SYNPR: variants seen among roughly 807,000 people sequenced by gnomAD.
The protein encoded by SYNPR is synaptoporin.
In SYNPR, 23 loss-of-function variants were observed where a neutral mutation model predicts 32.9. The ratio of observed to expected loss-of-function variants is 0.70; its 90% confidence interval spans 0.50 to 0.99. The LOEUF (loss-of-function observed/expected upper bound fraction) is 0.99, where lower values mean the gene tolerates loss of function less well. Ranked by LOEUF, SYNPR falls within the 50% of genes least tolerant of loss-of-function variation. The pLI is 0.00. For synonymous variants in SYNPR, 146 were observed against 135.9 expected (o/e 1.07, Z -0.52); for missense variants, 318 against 349.3 (o/e 0.91, Z 0.71).
In SYNPR at chr3:63,556,731, G is replaced by C; in HGVS notation, c.398G>C (p.Gly133Ala). ...FQNKYRENNR[G>A]PLIDFIVTVV... ...AACAAATACCGGGAAAACAACCGGG[G>C]CCCACTCATTGTAAGTGGTTTTCTT... The change falls in exon 4 of 6, where the codon GGC becomes GCC. Residue 133 changes from glycine (G) to alanine (A), a missense_variant. Coordinates refer to ENST00000478300, the MANE Select transcript of SYNPR (RefSeq NM_001130003.2). 2 of 1,611,652 alleles carry C rather than the reference G, an allele frequency of 1.2e-6. No individual in the cohort carries two copies. Among genetic ancestry groups the C allele is most frequent in the Non-Finnish European group, 1.7e-6 (2 of 1,179,108 alleles).
chr3:63,531,711 A>T (rs930442702), intron 3 of SYNPR, among the ~76,000 whole-genome samples: 1 of 152,180 alleles, frequency 6.6e-6, no homozygotes, highest in Non-Finnish European at 1.5e-5. Flanking sequence ...GATAAACTTC[A>T]AAAGTGGCCT....
intron 1 of SYNPR, among the ~76,000 whole-genome samples, chr3:63,238,909 A>T (rs920697199): frequency 6.6e-6 from 1 of 152,162 alleles, no homozygotes. Context: ...ATGGATTCTA[A>T]AATTGTCATT....
chr3:63,477,660 G>T (rs1455675533), intron 2 of SYNPR, among the ~76,000 whole-genome samples: 1 of 152,164 alleles, frequency 6.6e-6, no homozygotes. Context: ...AGCCTGCAAG[G>T]CCAGCTCTAG....
At chr3:63,257,466 C>T (rs1038553009) in intron 2 of SYNPR, among the ~76,000 whole-genome samples, 2 of 152,046 alleles carry the variant, frequency 1.3e-5, no homozygotes, top group Non-Finnish European at 2.9e-5. Flanking sequence ...TCCAGCCAAA[C>T]TAAACTTCAT....
intron 2 of SYNPR, among the ~76,000 whole-genome samples, chr3:63,254,322 TA>T (rs2086363381): frequency 6.6e-6 from 1 of 151,994 alleles, no homozygotes; most frequent in Non-Finnish European, 1.5e-5. Context: ...GTATAATAAT[TA>T]AAAAAACATT....
At chr3:63,513,682 T>C (rs4472048) in intron 3 of SYNPR, among the ~76,000 whole-genome samples, 92,398 of 151,790 alleles carry the variant, frequency 0.61, 29,722 homozygotes, top group East Asian at 0.9. Flanking sequence ...GAATTGTGCC[T>C]CCCAAAAGAT....
intron 2 of SYNPR, among the ~76,000 whole-genome samples, chr3:63,407,988 G>T (rs940185920): frequency 4.0e-5 from 6 of 151,692 alleles, no homozygotes; most frequent in Admixed American, 1.3e-4. Context: ...TGATTCACGG[G>T]CATCTTTAGA....
chr3:63,564,894 T>G (rs933745170), intron 4 of SYNPR, among the ~76,000 whole-genome samples: 5 of 152,216 alleles, frequency 3.3e-5, no homozygotes, highest in Non-Finnish European at 7.3e-5. Context: ...AAAGAATTCA[T>G]GCTTCTTCCA....
At chr3:63,292,783 G>A (rs1047432003) in intron 2 of SYNPR, among the ~76,000 whole-genome samples, 3 of 152,162 alleles carry the variant, frequency 2.0e-5, no homozygotes, top group East Asian at 1.9e-4. Context: ...TTAAATGTGC[G>A]CATGCACACA....
chr3:63,493,533 A>C (rs1701296442), intron 3 of SYNPR, among the ~76,000 whole-genome samples: 1 of 152,012 alleles, frequency 6.6e-6, no homozygotes, highest in Non-Finnish European at 1.5e-5. Context: ...TGGAGATTCC[A>C]GCCAGGCACG....
chr3:63,507,696 T>C (rs1028792352), intron 3 of SYNPR, among the ~76,000 whole-genome samples: 3 of 152,200 alleles, frequency 2.0e-5, no homozygotes, highest in African/African-American at 7.2e-5. Context: ...GTTAAAAATA[T>C]TGTGGGACAT....
At chr3:63,269,551 G>C (rs971080641) in intron 3 of SYNPR, among the ~76,000 whole-genome samples, 8 of 152,146 alleles carry the variant, frequency 5.3e-5, no homozygotes, top group Non-Finnish European at 1.2e-4. Context: ...CTCCTCTTTG[G>C]CTCTTTTAAT....
At chr3:63,596,332 C>G (rs1699959366) in intron 4 of SYNPR, among the ~76,000 whole-genome samples, 1 of 143,036 alleles carries the variant, frequency 7.0e-6, no homozygotes, top group African/African-American at 2.6e-5. Context: ...TCCCCCTTCC[C>G]CCTCCACTTT....
intron 2 of SYNPR, among the ~76,000 whole-genome samples, chr3:63,434,450 T>G (rs1451302): frequency 1 from 151,848 of 152,334 alleles, 75,681 homozygotes; most frequent in Middle Eastern, 1. Context: ...ATCAATACAC[T>G]CAGTTGGCTA....
intron 3 of SYNPR, among the ~76,000 whole-genome samples, chr3:63,514,183 T>C (rs576025940): frequency 4.1e-4 from 62 of 152,310 alleles, no homozygotes; most frequent in African/African-American, 1.3e-3. Context: ...ATTAGACTTT[T>C]TCTCATATGG....
At chr3:63,203,068 G>GTGTGTGTATATATATATA in the SYNPR span, 11 of 108,568 alleles carry the variant, frequency 1.0e-4, no homozygotes, top group African/African-American at 4.1e-4. Context: ...ATATGTATGT[G>GTGTGTGTATATATATATA]TATATATATA....
intron 1 of SYNPR, among the ~76,000 whole-genome samples, chr3:63,242,142 G>A (rs1487196567): frequency 6.6e-6 from 1 of 152,076 alleles, no homozygotes; most frequent in Non-Finnish European, 1.5e-5. Flanking sequence ...AAGATAATGT[G>A]AATTCAAATT....
intron 2 of SYNPR, among the ~76,000 whole-genome samples, chr3:63,350,911 A>G (rs2087499006): frequency 6.6e-6 from 1 of 152,090 alleles, no homozygotes; most frequent in African/African-American, 2.4e-5. Context: ...CAGCTCCTTT[A>G]TGGTTACTTA....
chr3:63,220,817 G>A, the SYNPR span, among the ~76,000 whole-genome samples: 34,263 of 152,064 alleles, frequency 0.23, 4,469 homozygotes, highest in Admixed American at 0.32. Context: ...AATAAACTCT[G>A]GCCTTTTCCC....
Sources: gnomAD v4.1 joint callset for allele counts (sites outside exome capture counted in the v4.1 genomes callset) on GRCh38, gnomAD v4.1.1 for gene constraint, MANE v1.5 for transcripts, NCBI Gene and HGNC (gene_info 2026-07-23, HGNC 2026-07-21) for gene names.